Variants in SAG observed in about 807,000 individuals in gnomAD.
The protein encoded by SAG is S-arrestin.
In SAG, 45 loss-of-function variants were observed where a neutral mutation model predicts 55.0. That is an observed-to-expected ratio of 0.82 (90% CI 0.64 to 1.05). The LOEUF is 1.05. SAG is among the 50% of genes least tolerant of loss of function. The pLI is 0.00. For missense variants in SAG, 455 were observed against 512.1 expected (o/e 0.89, Z 1.08); for synonymous variants, 189 against 197.4 (o/e 0.96, Z 0.36).
chr2:233,324,172 G>A (rs958917030), intron 6 of SAG, among the ~76,000 whole-genome samples: 4 of 152,022 alleles, frequency 2.6e-5, no homozygotes, highest in East Asian at 1.9e-4. Context: ...TGAGGTGGGC[G>A]GATCAACCCA....
At chr2:233,326,843 G>C (rs1443115409) in intron 6 of SAG, among the ~76,000 whole-genome samples, 1 of 152,204 alleles carries the variant, frequency 6.6e-6, no homozygotes, top group Non-Finnish European at 1.5e-5. Flanking sequence ...GGATAGCCAG[G>C]ATGTGAATGA....
intron 2 of SAG, among the ~76,000 whole-genome samples, chr2:233,313,846 G>T (rs1001307191): frequency 3.3e-5 from 5 of 150,898 alleles, no homozygotes; most frequent in African/African-American, 7.3e-5. Flanking sequence ...GGGATTACAG[G>T]CATGAGCCAC....
intron 6 of SAG, among the ~76,000 whole-genome samples, chr2:233,324,418 A>G (rs1366731741): frequency 6.6e-6 from 1 of 152,120 alleles, no homozygotes; most frequent in Non-Finnish European, 1.5e-5. Context: ...ACAAACAAAA[A>G]AAGTGGGAAG....
intron 5 of SAG, among the ~76,000 whole-genome samples, chr2:233,321,864 G>A (rs948063960): frequency 6.6e-6 from 1 of 152,110 alleles, no homozygotes; most frequent in African/African-American, 2.4e-5. Context: ...AGTTTGAAGT[G>A]ACATAACCTT....
intron 11 of SAG, among the ~76,000 whole-genome samples, chr2:233,336,379 G>A (rs929393277): frequency 6.6e-6 from 1 of 152,126 alleles, no homozygotes; most frequent in African/African-American, 2.4e-5. Context: ...GCCAGGTGTG[G>A]TGGTGGGTGC....
intron 4 of SAG, 59 bp downstream of exon 4, chr2:233,318,854 C>T (rs768031649): frequency 7.4e-6 from 11 of 1,477,726 alleles, no homozygotes; most frequent in Middle Eastern, 3.4e-4. Context: ...GCTCTCTGGG[C>T]GGCTCTGGGA....
intron 10 of SAG, chr2:233,332,888 C>A (rs1486878334): frequency 2.6e-5 from 4 of 152,196 alleles, no homozygotes; most frequent in Admixed American, 2.0e-4. Context: ...GTCTCGAACT[C>A]CTGACCTCAG....
At position 233,334,985 on chromosome 2, in the gene SAG, C is replaced by G. The variant is rs770820099; in HGVS notation, c.830C>G (p.Thr277Ser). ...EAQEKVPPNS[T>S]LTKTLTLLPL... ...AGAGAAAAAGTGCCACCAAACAGCA[C>G]TTTGACCAAGACGCTGACGCTGCTG... Residue 277 changes from threonine (T) to serine (S), a missense_variant, in exon 11 of 16, where the codon ACT becomes AGT. Thr to Ser is a moderately conservative substitution (Grantham distance 58). Coordinates refer to ENST00000409110, the MANE Select transcript of SAG (RefSeq NM_000541.5). The G allele has an allele frequency of 6.2e-7, 1 of 1,614,030 alleles. No homozygotes were observed. The highest frequency in any genetic ancestry group is 2.2e-5 in the East Asian group (1 of 44,882).
At chr2:233,325,115 A>G (rs1700508261) in intron 6 of SAG, among the ~76,000 whole-genome samples, 1 of 151,836 alleles carries the variant, frequency 6.6e-6, no homozygotes, top group African/African-American at 2.4e-5. Flanking sequence ...AATCCCAGCC[A>G]ATTGCTTGAA....
At chr2:233,327,071 C>T (rs1473386483) in intron 6 of SAG, 50 bp from the exon 7 acceptor site, 3 of 1,465,234 alleles carry the variant, frequency 2.0e-6, no homozygotes, top group Non-Finnish European at 2.9e-6. Context: ...GGCCCGGCAC[C>T]CAGGGAGGGA....
rs546845218 is a variant in SAG, at chr2:233,327,084, C to T, written c.436-37C>T. ...CTGGCCCGGCACCCAGGGAGGGAGTCGCTGATCGCTGCCTGTCTGCTCTCT... is the reference window on the plus strand; with the variant it reads ...CTGGCCCGGCACCCAGGGAGGGAGTTGCTGATCGCTGCCTGTCTGCTCTCT... On this transcript the variant is annotated intron_variant, in intron 6 of 15. Coordinates refer to ENST00000409110, the MANE Select transcript of SAG (RefSeq NM_000541.5). 4.0e-5 allele frequency: 62 copies of T among 1,560,476 alleles called. No homozygotes were observed. The South Asian group carries it at 4.5e-4, about 11-fold the overall frequency.
At chr2:233,325,879 C>T (rs973141626) in intron 6 of SAG, among the ~76,000 whole-genome samples, 3 of 152,256 alleles carry the variant, frequency 2.0e-5, no homozygotes, top group South Asian at 2.1e-4. Context: ...GCAGAACAGG[C>T]GTTGGTGTGG....
rs776628579 is a variant in SAG, at chr2:233,346,972, C to T, written c.*60C>T. 41 of 945,112 alleles carry T rather than the reference C, an allele frequency of 4.3e-5. No homozygotes were observed. Among genetic ancestry groups the T allele is most frequent in the Non-Finnish European group, 6.2e-5 (37 of 594,780 alleles). 58.5% of individuals were successfully genotyped at this position (945,112 alleles called of 1,614,324 possible). A position where few individuals can be genotyped will look rare whatever the true frequency, so the allele number is the denominator to read the frequency against. ...AGTTACCAGTGCAACGAGCAAAGCC[C>T]CACAGTTTAGTCCTTTGGAGTTATG... On this transcript the variant is annotated 3_prime_UTR_variant, in exon 16 of 16. Transcript: ENST00000409110.
rs377050409 is a variant in SAG, at chr2:233,338,695, C to T, written c.964C>T (p.Arg322Trp). 3.0e-5 allele frequency: 48 copies of T among 1,613,746 alleles called. No individual in the cohort carries two copies. Among genetic ancestry groups the T allele is most frequent in the South Asian group, 5.5e-5 (5 of 91,088 alleles). The stretch of plus-strand genomic sequence containing the variant: ...GGGCAGCATTAAGGAGGGCATAGAC[C>T]GGACCGTCCTGGGAATCCTGGTGTC... Reference protein sequence around the residue: ...SSTIIKEGIDRTVLGILVSYQ... With the variant: ...SSTIIKEGIDWTVLGILVSYQ... The change falls in exon 12 of 16, where the codon CGG becomes TGG. Residue 322 changes from arginine (R) to tryptophan (W), a missense_variant. Transcript: ENST00000409110.
rs757574412 is a variant in SAG, at chr2:233,322,917, A to G, written c.376-29A>G. On this transcript the variant is annotated intron_variant, in intron 5 of 15. Transcript: ENST00000409110. ...TAATGGAACAGCCCCTTCTGAAATA[A>G]ATGATTTTTTATTTGTTTCTTTCCA... 4 of 1,392,200 alleles carry G rather than the reference A, an allele frequency of 2.9e-6. No individual in the cohort carries two copies. In the African/African-American group the frequency reaches 5.7e-5, roughly 20 times the overall value. 86.2% of individuals were successfully genotyped at this position (1,392,200 alleles called of 1,614,324 possible).
Position 233,319,001 on chromosome 2 carries a change from G to T in SAG, c.181+206G>T. On this transcript the variant is annotated intron_variant, in intron 4 of 15. Transcript: ENST00000409110. The surrounding 1 kb of genome is among the most constrained non-coding windows in gnomAD (Gnocchi z 4.4). ...GTCCTGTTGACACCAGAGCTCACTC[G>T]CTCAGCAAAGTCATTGTCCAGGGTG... 1.4e-6 allele frequency: 1 copy of T among 711,584 alleles called. No homozygotes were observed. The highest frequency in any genetic ancestry group is 2.6e-6 in the Non-Finnish European group (1 of 380,718). 44.1% of individuals were successfully genotyped at this position (711,584 alleles called of 1,614,324 possible). A position where few individuals can be genotyped will look rare whatever the true frequency, so the allele number is the denominator to read the frequency against.
At chr2:233,330,539 TCCTC>T (rs1700726525) in intron 9 of SAG, among the ~76,000 whole-genome samples, 2 of 140,706 alleles carry the variant, frequency 1.4e-5, no homozygotes, top group East Asian at 2.2e-4. Flanking sequence ...CTTCCTTCCT[TCCTC>T]CCTTTCTTTC....
At chr2:233,318,878 T>C (rs777734755) in intron 4 of SAG, 83 bp downstream of exon 4, 2 of 1,112,192 alleles carry the variant, frequency 1.8e-6, no homozygotes, top group African/African-American at 3.1e-5. Context: ...GGCATTTACA[T>C]GGAAGGAGAG....
Position 233,319,592 on chromosome 2 carries a change from G to T in SAG, c.181+797G>T. 1 of 900,224 alleles carries T rather than the reference G, an allele frequency of 1.1e-6. No homozygotes were observed. Among genetic ancestry groups the T allele is most frequent in the Non-Finnish European group, 1.2e-6 (1 of 801,634 alleles). The allele number at this position is 900,224 out of a possible 1,614,324, so 55.8% of individuals were successfully genotyped here. On this transcript the variant is annotated intron_variant, in intron 4 of 15. Transcript: ENST00000409110. This position sits in a 1 kb window ranked among gnomAD's most constrained non-coding sequence, Gnocchi z 4.4. ...CAGCTATGGGGCCATCAGCATTGAG[G>T]GGGCATGGCTGAAATGGGGCCCCAA...
Sources: allele counts gnomAD v4.1 joint callset (sites outside exome capture counted in the v4.1 genomes callset), GRCh38; gene constraint gnomAD v4.1.1; non-coding constraint Gnocchi (gnomAD v3.1); transcripts MANE v1.5; gene names NCBI Gene and HGNC (gene_info 2026-07-23, HGNC 2026-07-21).